Variants in B4GALNT1 observed in about 807,000 individuals in gnomAD.
The protein encoded by B4GALNT1 is beta-1,4 N-acetylgalactosaminyltransferase 1.
A neutral mutation model predicts 55.2 loss-of-function variants in B4GALNT1; 43 were observed. That is an observed-to-expected ratio of 0.78 (90% CI 0.61 to 1.00). The LOEUF (loss-of-function observed/expected upper bound fraction) is 1.00, where lower values mean the gene tolerates loss of function less well. Ranked by LOEUF, B4GALNT1 falls within the 50% of genes least tolerant of loss-of-function variation. The pLI is 0.00. For synonymous variants in B4GALNT1, 305 were observed against 311.6 expected, an observed-to-expected ratio of 0.98 and a Z score of 0.22; for missense variants, 664 against 729.7, an observed-to-expected ratio of 0.91 and a Z score of 1.04.
At chr12:57,631,125 G>C (rs1885177889) in intron 3 of B4GALNT1, 39 bp from the exon 4 acceptor site, 1 of 1,608,480 alleles carries the variant, frequency 6.2e-7, no homozygotes, top group South Asian at 1.1e-5. Flanking sequence ...CAGAGTCGGG[G>C]GGAGAGGGTC....
intron 8 of B4GALNT1, 117 bp from the exon 9 acceptor site, chr12:57,628,379 G>A: frequency 2.7e-6 from 4 of 1,460,518 alleles, no homozygotes. Context: ...ACTTTTGAGT[G>A]CTTTCGAAAG....
In B4GALNT1 at chr12:57,628,883, G is replaced by C. The variant is rs756528681; in HGVS notation, c.832C>G (p.Leu278Val). The change falls in exon 8 of 11, where the codon CTA (leucine) becomes GTA (valine). Residue 278 changes from leucine (L) to valine (V), a missense_variant. Physicochemically the swap from Leu to Val is conservative, Grantham distance 32 (BLOSUM62 1). Coordinates refer to ENST00000341156, the MANE Select transcript of B4GALNT1 (RefSeq NM_001478.5). ...AAGGTCTTGGTGGCAATCGTGACTA[G>C]AGCGCTGATGTTGTACTGGGCTGAG... The part of the protein sequence containing the change: ...PQGAQYNISA[L>V]VTIATKTFLR... 7 of 1,614,228 alleles carry C rather than the reference G, an allele frequency of 4.3e-6. No homozygotes were observed. The highest frequency in any genetic ancestry group is 1.1e-5 in the South Asian group (1 of 91,068).
Position 57,625,794 on chromosome 12 carries a change from T to C in B4GALNT1, c.*950A>G. The stretch of plus-strand genomic sequence containing the variant: ...CCAGGGAGAGGGGTTTGGGAAAGGG[T>C]CTGAGGAAGATCAAGAAGAAAAGGG... On this transcript the variant is annotated 3_prime_UTR_variant, in exon 11 of 11. Transcript: ENST00000341156. 11 of 1,492,054 alleles carry C rather than the reference T, an allele frequency of 7.4e-6. No homozygotes were observed. Among genetic ancestry groups the C allele is most frequent in the South Asian group, 1.4e-5 (1 of 71,460 alleles). 92.4% of individuals were successfully genotyped at this position (1,492,054 alleles called of 1,614,324 possible).
chr12:57,632,256 C>T, intron 1 of B4GALNT1, 123 bp from the exon 2 acceptor site: 1 of 959,304 alleles, frequency 1.0e-6, no homozygotes, highest in Non-Finnish European at 1.6e-6. Context: ...CCACTCCACA[C>T]ATCGCGCTAG....
chr12:57,629,676 T>C (rs1885070660), intron 6 of B4GALNT1: 1 of 1,131,884 alleles, frequency 8.8e-7, no homozygotes, highest in Non-Finnish European at 1.2e-6. Context: ...TGCAAAAATC[T>C]GGGGAAGAGC....
Position 57,623,998 on chromosome 12 carries a change from T to C in B4GALNT1, c.*2746A>G. 6.2e-7 allele frequency: 1 copy of C among 1,611,934 alleles called. No individual in the cohort carries two copies. Reference sequence around the variant, plus strand: ...AGGTAGTCAGCCCACCTCCTCTGCCTCAAGGCTGTCCTGGCTTGCATCAAC... The same window carrying C: ...AGGTAGTCAGCCCACCTCCTCTGCCCCAAGGCTGTCCTGGCTTGCATCAAC... On this transcript the variant is annotated 3_prime_UTR_variant, in exon 11 of 11. Coordinates refer to ENST00000341156, the MANE Select transcript of B4GALNT1 (RefSeq NM_001478.5).
intron 8 of B4GALNT1, 128 bp from the exon 9 acceptor site, chr12:57,628,390 GC>G: frequency 7.3e-7 from 1 of 1,378,200 alleles, no homozygotes; most frequent in Non-Finnish European, 9.9e-7. Context: ...CTTTCGAAAG[GC>G]CAGGAGCTAG....
At position 57,631,026 on chromosome 12, in the gene B4GALNT1, G is replaced by A; in HGVS notation, c.444C>T (p.Pro148=). The change falls in exon 4 of 11, where the codon CCC becomes CCT. Residue 148 remains proline, a synonymous_variant. Coordinates refer to ENST00000341156, the MANE Select transcript of B4GALNT1 (RefSeq NM_001478.5). ...IAPANSPLQY[P]LQGVEVQPLR... ...GGGGCTGAACTTCCACACCCTGTAG[G>A]GGGTACTGGAGCGGGGAGTTGGCAG... 1.2e-6 allele frequency: 2 copies of A among 1,613,382 alleles called. No homozygotes were observed. The highest frequency in any genetic ancestry group is 1.1e-5 in the South Asian group (1 of 91,064).
rs1156505173 is a variant in B4GALNT1 at position 57,629,081 on chromosome 12, G to A, written c.778C>T (p.Arg260Trp). 4 of 1,596,540 alleles carry A rather than the reference G, an allele frequency of 2.5e-6. No individual in the cohort carries two copies. Among genetic ancestry groups the A allele is most frequent in the Non-Finnish European group, 8.6e-7 (1 of 1,167,416 alleles). ...TIRIRHPPNP[R>W]LYPPGSLPQG... ...GGTAGAGACCCAGGTGGGTACAGCC[G>A]AGGGTTGGGCGGGTGTCTTATGCGG... Residue 260 changes from arginine to tryptophan, a missense_variant, in exon 7 of 11, where the codon CGG (arginine) becomes TGG (tryptophan). Arg to Trp is a moderately radical substitution (Grantham distance 101). Coordinates refer to ENST00000341156, the MANE Select transcript of B4GALNT1 (RefSeq NM_001478.5).
Position 57,625,546 on chromosome 12 carries a change from C to G in B4GALNT1, c.*1198G>C, listed in dbSNP as rs778947119. The G allele has an allele frequency of 3.1e-6, 5 of 1,610,278 alleles. No individual in the cohort carries two copies. In the Admixed American group the frequency reaches 8.4e-5, roughly 27 times the overall value. On this transcript the variant is annotated 3_prime_UTR_variant, in exon 11 of 11. Coordinates refer to ENST00000341156, the MANE Select transcript of B4GALNT1 (RefSeq NM_001478.5). ...GGTAGGGAAAAGGACCCGGTGTGGA[C>G]TTAGGGTCTCAGAGTCTGACACCCT...
rs200848963 is a variant in B4GALNT1 at position 57,624,553 on chromosome 12, C to A, written c.*2191G>T. The A allele has an allele frequency of 2.4e-4, 152 of 642,114 alleles. 1 individual carries two copies. Among genetic ancestry groups the A allele is most frequent in the Non-Finnish European group, 1.2e-4 (41 of 330,476 alleles). 39.8% of individuals were successfully genotyped at this position (642,114 alleles called of 1,614,324 possible). The stretch of plus-strand genomic sequence containing the variant: ...TAGTGACCCTGAGTGTGGATTTGGG[C>A]CTGGCTGTGGGTGTGGTCTTCTCCA... On this transcript the variant is annotated 3_prime_UTR_variant, in exon 11 of 11. Coordinates refer to ENST00000341156, the MANE Select transcript of B4GALNT1 (RefSeq NM_001478.5).
intron 1 of B4GALNT1, chr12:57,632,351 C>A: frequency 1.5e-6 from 1 of 688,488 alleles, no homozygotes; most frequent in Non-Finnish European, 2.6e-6. Context: ...TTTCTTCTCG[C>A]CCTCTCCTGC....
rs1594981439 is a variant in B4GALNT1, at chr12:57,628,803, T to C, written c.912A>G (p.Pro304=). 6.2e-6 allele frequency: 10 copies of C among 1,614,128 alleles called. No individual in the cohort carries two copies. The highest frequency in any genetic ancestry group is 8.5e-6 in the Non-Finnish European group (10 of 1,180,008). Residue 304 remains proline (P), a synonymous_variant, in exon 8 of 11, where the codon CCA becomes CCG. Coordinates refer to ENST00000341156, the MANE Select transcript of B4GALNT1 (RefSeq NM_001478.5). ...CGTCAGCGATGACCACGGTAACCGT[T>C]GGGTAGAAGCGGCGGATACTGGTGA... ...ALITSIRRFY[P]TVTVVIADDS...
Position 57,632,053 on chromosome 12 carries a change from G to T in B4GALNT1, c.80C>A (p.Thr27Asn), listed in dbSNP as rs1408032467. 6.9e-7 allele frequency: 1 copy of T among 1,443,390 alleles called. No homozygotes were observed. Among genetic ancestry groups the T allele is most frequent in the Non-Finnish European group, 9.1e-7 (1 of 1,096,592 alleles). 89.4% of individuals were successfully genotyped at this position (1,443,390 alleles called of 1,614,324 possible). A position where few individuals can be genotyped will look rare whatever the true frequency, so the allele number is the denominator to read the frequency against. ...TAGCCGGAGGCCGGGCGCGTCCCGG[G>T]TGCTCGCGTACAGGAGCCCCAGCGA... ...CASLGLLYAS[T>N]RDAPGLRLPL... The change falls in exon 2 of 11, where the codon ACC becomes AAC. Residue 27 changes from threonine (T) to asparagine (N), a missense_variant. By Grantham distance (65) the Thr-to-Asn change is moderately conservative. Transcript: ENST00000341156.
In B4GALNT1 at chr12:57,628,217, T is replaced by C. The variant is rs144643461; in HGVS notation, c.1048A>G (p.Lys350Glu). The C allele has an allele frequency of 3.4e-4, 543 of 1,614,270 alleles. No homozygotes were observed. Among genetic ancestry groups the C allele is most frequent in the Non-Finnish European group, 4.0e-4 (477 of 1,180,046 alleles). The change falls in exon 9 of 11, where the codon AAG becomes GAG. Residue 350 changes from lysine to glutamate, a missense_variant. Lys to Glu is a moderately conservative substitution (Grantham distance 56). Transcript: ENST00000341156. ...TCGTCGTCCACCCACAGCACGTACT[T>C]GGTGGTTACTTGAGACACGGCCAGG... The part of the protein sequence containing the change: ...RNLAVSQVTT[K>E]YVLWVDDDFV...
chr12:57,628,558 C>A (rs1402956886), intron 8 of B4GALNT1, 155 bp downstream of exon 8: 2 of 993,256 alleles, frequency 2.0e-6, no homozygotes, highest in Non-Finnish European at 2.9e-6. Flanking sequence ...TTTCCTGCTC[C>A]CACGAAGCTT....
chr12:57,625,684 G>A lies in B4GALNT1; in HGVS notation c.*1060C>T, dbSNP rs141465036. 823 of 1,573,206 alleles carry A rather than the reference G, an allele frequency of 5.2e-4. No homozygotes were observed. Among genetic ancestry groups the A allele is most frequent in the Non-Finnish European group, 6.5e-4 (757 of 1,160,594 alleles). On this transcript the variant is annotated 3_prime_UTR_variant, in exon 11 of 11. Transcript: ENST00000341156. Reference sequence around the variant, plus strand: ...GATGCAGCTGCTTATGCCCTGGGGAGCCTGTTAAGGGGCAGTAGCACCAGG... The same window carrying A: ...GATGCAGCTGCTTATGCCCTGGGGAACCTGTTAAGGGGCAGTAGCACCAGG...
Position 57,626,758 on chromosome 12 carries a change from T to C in B4GALNT1, c.1588A>G (p.Met530Val). The C allele has an allele frequency of 6.2e-7, 1 of 1,614,204 alleles. No individual in the cohort carries two copies. Among genetic ancestry groups the C allele is most frequent in the Non-Finnish European group, 8.5e-7 (1 of 1,180,032 alleles). ...CCAGCGGGCCATCACTGGGAGGTCA[T>C]GCACTGCAGCCGGTGTTTGAAGAAG... is the stretch of plus-strand genomic sequence containing the variant. ...LLFFKHRLQCMTSQ is the reference protein window; with the variant it reads ...LLFFKHRLQCVTSQ The change falls in exon 11 of 11, where the codon ATG becomes GTG. Residue 530 changes from methionine to valine, a missense_variant. Transcript: ENST00000341156.
At position 57,628,841 on chromosome 12, in the gene B4GALNT1, G is replaced by A; in HGVS notation, c.874C>T (p.Leu292=). ...ATKTFLRYDR[L]RALITSIRRF... is the part of the protein sequence containing the mutation. The stretch of plus-strand genomic sequence containing the variant: ...CGGATACTGGTGATGAGAGCCCGTA[G>A]CCGATCATAACGGAGGAAGGTCTTG... The change falls in exon 8 of 11, where the codon CTA becomes TTA. Residue 292 remains leucine (L), a synonymous_variant. Transcript: ENST00000341156. 1 of 1,614,240 alleles carries A rather than the reference G, an allele frequency of 6.2e-7. No individual in the cohort carries two copies. Among genetic ancestry groups the A allele is most frequent in the South Asian group, 1.1e-5 (1 of 91,072 alleles).
Sources: gnomAD v4.1 joint callset for allele counts on GRCh38, gnomAD v4.1.1 for gene constraint, MANE v1.5 for transcripts, NCBI Gene and HGNC (gene_info 2026-07-23, HGNC 2026-07-21) for gene names.